Variants in HELZ2 observed in about 807,000 individuals in gnomAD.
HELZ2 encodes helicase with zinc finger 2, also known as 3'-5' exoribonuclease HELZ2.
In HELZ2, 143 loss-of-function variants were observed where a neutral mutation model predicts 208.8. The ratio of observed to expected loss-of-function variants is 0.68; its 90% CI spans 0.60 to 0.79. The LOEUF is 0.79. Ranked by LOEUF, HELZ2 falls within the 30% of genes least tolerant of loss-of-function variation. The probability of loss-of-function intolerance (pLI) is 0.00; values close to 1 mark genes in which losing one functional copy is unlikely to be tolerated. For missense variants in HELZ2, 3,690 were observed against 3,794.5 expected (o/e 0.97, Z 0.72); for synonymous variants, 1,705 against 1,693.7 (o/e 1.01, Z -0.16).
exon 5 of HELZ2, chr20:63,568,911 C>A (rs369617055): frequency 1.9e-6 from 3 of 1,610,456 alleles, no homozygotes; most frequent in African/African-American, 2.7e-5. Flanking sequence ...GGGACCTCTG[C>A]GTACAGTGCT....
chr20:63,564,165 G>A (rs780194033), exon 8 of HELZ2: 5 of 1,611,446 alleles, frequency 3.1e-6, no homozygotes, highest in East Asian at 2.2e-5. Flanking sequence ...GGCTGCCACC[G>A]CAGAGGCGTG....
chr20:63,566,554 A>G (rs1379855608), intron 6 of HELZ2, 101 bp from the exon 8 acceptor site: 7 of 745,562 alleles, frequency 9.4e-6, no homozygotes, highest in Non-Finnish European at 4.3e-6. Flanking sequence ...GGATGAGCGC[A>G]GGACGCAGTG....
exon 5 of HELZ2, chr20:63,568,966 C>A (rs750752278): frequency 1.2e-6 from 2 of 1,603,928 alleles, no homozygotes; most frequent in South Asian, 2.2e-5. Flanking sequence ...TCTGCAATGC[C>A]GTCTTCAGGA....
chr20:63,570,291 A>C, intron 3 of HELZ2: 1 of 697,340 alleles, frequency 1.4e-6, no homozygotes. Flanking sequence ...TACTCCATAG[A>C]ATAACCCTGC....
At chr20:63,568,336 G>C in intron 5 of HELZ2, 22 bp downstream of exon 6, 1 of 1,576,882 alleles carries the variant, frequency 6.3e-7, no homozygotes, top group South Asian at 1.1e-5. Flanking sequence ...GTGAGGTGGG[G>C]GCAGGCCAGG....
exon 5 of HELZ2, chr20:63,568,584 C>G (rs61741406): frequency 1.3e-6 from 2 of 1,592,422 alleles, no homozygotes; most frequent in African/African-American, 1.3e-5. Context: ...CTGGGCAGGG[C>G]GCAGGTGGGC....
At chr20:63,558,824 ACCAC>A (rs2082843744), downstream of HELZ2, 1 of 154,680 alleles carries the variant, frequency 6.5e-6, no homozygotes, top group South Asian at 2.0e-4. Flanking sequence ...GGCGTGAGCC[ACCAC>A]GCCCGGCAGG....
chr20:63,568,662 T>C (rs775466078), exon 5 of HELZ2: 1 of 1,605,368 alleles, frequency 6.2e-7, no homozygotes, highest in Admixed American at 1.7e-5. Context: ...CGGAAGGTCA[T>C]CGGGTCAATC....
chr20:63,563,824 G>C, exon 8 of HELZ2: 1 of 1,599,684 alleles, frequency 6.3e-7, no homozygotes, highest in Non-Finnish European at 8.5e-7. Context: ...ACGTGTACCA[G>C]TCCACCTGCA....
chr20:63,561,953 G>T, exon 11 of HELZ2: 1 of 1,600,028 alleles, frequency 6.2e-7, no homozygotes, highest in Non-Finnish European at 8.5e-7. Flanking sequence ...ACCAGAATAC[G>T]ATGTGGAGGC....
chr20:63,566,750 G>C lies in HELZ2; in HGVS notation c.2514+94C>G, dbSNP rs1009718239. 3.0e-5 allele frequency: 39 copies of C among 1,279,588 alleles called. No individual in the cohort carries two copies. The Admixed American group carries it at 8.5e-4, about 28-fold the overall frequency. 79.3% of individuals were successfully genotyped at this position (1,279,588 alleles called of 1,614,324 possible). On this transcript the variant is annotated intron_variant, in intron 6 of 18. Transcript: ENST00000467148. ...TACTGCAGCCCCCTCTTACAGATGGGGAAACTGAGGCGGGGGCTCGTCCAT... is the reference window on the plus strand; with the variant it reads ...TACTGCAGCCCCCTCTTACAGATGGCGAAACTGAGGCGGGGGCTCGTCCAT...
chr20:63,563,757 G>T, exon 8 of HELZ2: 1 of 1,602,034 alleles, frequency 6.2e-7, no homozygotes, highest in South Asian at 1.1e-5. Context: ...CCCAGCGCCA[G>T]CAGGATCTGC....
rs1203101739 is a variant in HELZ2, at chr20:63,569,553, A to G, written c.683T>C (p.Val228Ala). 9 of 1,603,084 alleles carry G rather than the reference A, an allele frequency of 5.6e-6. No individual in the cohort carries two copies. The highest frequency in any genetic ancestry group is 1.3e-5 in the African/African-American group (1 of 74,654). Residue 228 changes from valine to alanine, a missense_variant, in exon 4 of 19, where the codon GTG (valine) becomes GCG (alanine). Val to Ala is a moderately conservative substitution (Grantham distance 64). This residue lies in a region of HELZ2 where 1,119 missense variants were observed against 1,193.4 expected (regional missense o/e 0.94). Transcript: ENST00000467148. ...CTGGAAGTCGGCAGTGGAGCTGGGC[A>G]CACGGAAGCGCTCACCCCGTGCGTA... is the stretch of plus-strand genomic sequence containing the variant.
chr20:63,566,267 G>A (rs1307352605), intron 7 of HELZ2, 36 bp from the exon 9 acceptor site: 23 of 1,487,044 alleles, frequency 1.5e-5, no homozygotes, highest in South Asian at 6.6e-5. Flanking sequence ...GGCTGGGTGC[G>A]CAAGACGGTG....
At chr20:63,561,846 T>A in exon 11 of HELZ2, 1 of 1,564,094 alleles carries the variant, frequency 6.4e-7, no homozygotes, top group Non-Finnish European at 8.7e-7. Flanking sequence ...CACCGACTTG[T>A]TGGAGGGGCC....
chr20:63,564,637 C>T (rs753045634), exon 8 of HELZ2: 50 of 1,566,106 alleles, frequency 3.2e-5, no homozygotes, highest in South Asian at 4.6e-5. Flanking sequence ...GGGCATAGAA[C>T]GCAGCGCCCT....
At chr20:63,561,447 G>T in exon 13 of HELZ2, 1 of 1,609,788 alleles carries the variant, frequency 6.2e-7, no homozygotes, top group Non-Finnish European at 8.5e-7. Context: ...TGCCGGATCC[G>T]GTGGTGCAGG....
chr20:63,569,405 T>C (rs373651477), exon 4 of HELZ2: 261 of 1,609,528 alleles, frequency 1.6e-4, no homozygotes, highest in Non-Finnish European at 2.2e-4. Context: ...TGCAGGGTCC[T>C]GGGCGACGCC....
At chr20:63,569,061 C>T (rs1569037186) in intron 4 of HELZ2, 62 bp from the exon 6 acceptor site, 18 of 1,588,650 alleles carry the variant, frequency 1.1e-5, no homozygotes, top group African/African-American at 2.7e-5. Flanking sequence ...GCCAAGTCCA[C>T]GCCCCCATCC....
Sources: gnomAD v4.1 joint callset for allele counts on GRCh38, gnomAD v4.1.1 for gene constraint, gnomAD v4.1.1 regional missense constraint, MANE v1.5 for transcripts, NCBI Gene and HGNC (gene_info 2026-07-23, HGNC 2026-07-21) for gene names.